Variants in HSPA12B observed in about 807,000 individuals in gnomAD.
The protein encoded by HSPA12B is heat shock protein family A (Hsp70) member 12B, also known as heat shock 70 kDa protein 12B.
A neutral mutation model predicts 69.3 loss-of-function variants in HSPA12B; 54 were observed. That is an observed-to-expected ratio of 0.78 (90% CI 0.63 to 0.98). The LOEUF is 0.98. Among genes scored for constraint, HSPA12B ranks in the 50% least tolerant of loss-of-function variants. The probability of loss-of-function intolerance (pLI) is 0.00; values close to 1 mark genes in which losing one functional copy is unlikely to be tolerated. For synonymous variants in HSPA12B, 441 were observed against 436.5 expected, an observed-to-expected ratio of 1.01 and a Z score of -0.13; for missense variants, 929 against 999.8, an observed-to-expected ratio of 0.93 and a Z score of 0.96.
In HSPA12B at chr20:3,749,953, C is replaced by G. The variant is rs927096811; in HGVS notation, c.1043-16C>G. 8 of 1,552,766 alleles carry G rather than the reference C, an allele frequency of 5.2e-6. No individual in the cohort carries two copies. The highest frequency in any genetic ancestry group is 7.0e-6 in the Non-Finnish European group (8 of 1,146,388). ...GGCGAGCGCTGACGCCCTCTTCGCC[C>G]CCTGCTCCACCCCAGGGGGCCCTTA... On this transcript the variant is annotated splice_polypyrimidine_tract_variant and intron_variant, in intron 10 of 12. Coordinates refer to ENST00000254963, the MANE Select transcript of HSPA12B (RefSeq NM_052970.5). This position sits in a 1 kb window ranked among gnomAD's most constrained non-coding sequence, Gnocchi z 5.5.
intron 7 of HSPA12B, among the ~76,000 whole-genome samples, chr20:3,746,290 A>G (rs921449586): frequency 1.4e-5 from 2 of 139,296 alleles, no homozygotes; most frequent in Non-Finnish European, 3.1e-5. Flanking sequence ...GCAGAGCCCA[A>G]GATGGAGAGT....
rs2088450794 is a variant in HSPA12B at position 3,752,716 on chromosome 20, C to A, written c.*550C>A. 1 of 152,658 alleles carries A rather than the reference C, an allele frequency of 6.6e-6. No individual in the cohort carries two copies. The highest frequency in any genetic ancestry group is 1.5e-5 in the Non-Finnish European group (1 of 68,678). 9.5% of individuals were successfully genotyped at this position (152,658 alleles called of 1,614,324 possible). ...CACAGTCCTGGTGTGGTGCTGACCA[C>A]CCAAATATGACTGTGAATTGTGGAA... On this transcript the variant is annotated 3_prime_UTR_variant, in exon 13 of 13. Transcript: ENST00000254963.
chr20:3,741,063 C>A, intron 3 of HSPA12B, 151 bp downstream of exon 3: 2 of 626,354 alleles, frequency 3.2e-6, no homozygotes, highest in Non-Finnish European at 5.5e-6. Context: ...AGTCATGTGC[C>A]CCCCAGAAGG....
chr20:3,750,335 C>A, intron 11 of HSPA12B, 108 bp downstream of exon 11: 1 of 1,184,452 alleles, frequency 8.4e-7, no homozygotes, highest in Non-Finnish European at 1.1e-6. Flanking sequence ...TGATTCATCC[C>A]ACATATACAC....
At position 3,740,971 on chromosome 20, in the gene HSPA12B, C is replaced by G. The variant is rs189449482; in HGVS notation, c.141+59C>G. 7 of 1,433,322 alleles carry G rather than the reference C, an allele frequency of 4.9e-6. No individual in the cohort carries two copies. Among genetic ancestry groups the G allele is most frequent in the Middle Eastern group, 3.6e-4 (2 of 5,564 alleles). 88.8% of individuals were successfully genotyped at this position (1,433,322 alleles called of 1,614,324 possible). A position where few individuals can be genotyped will look rare whatever the true frequency, so the allele number is the denominator to read the frequency against. On this transcript the variant is annotated intron_variant, in intron 3 of 12. Coordinates refer to ENST00000254963, the MANE Select transcript of HSPA12B (RefSeq NM_052970.5). This position sits in a 1 kb window ranked among gnomAD's most constrained non-coding sequence, Gnocchi z 4.9. ...CCTGGCTGGTGTGGACAGGGTCGTG[C>G]GTGGCAAAGTCATGACAGGGCCTCA... is the stretch of plus-strand genomic sequence containing the variant.
In HSPA12B at chr20:3,752,063, T is replaced by C. The variant is rs1730036330; in HGVS notation, c.1958T>C (p.Ile653Thr). The C allele has an allele frequency of 6.5e-7, 1 of 1,549,314 alleles. No homozygotes were observed. Among genetic ancestry groups the C allele is most frequent in the Non-Finnish European group, 8.7e-7 (1 of 1,154,928 alleles). The change falls in exon 13 of 13, where the codon ATC becomes ACC. Residue 653 changes from isoleucine (I) to threonine (T), a missense_variant. This residue lies in a region of HSPA12B where 448 missense variants were observed against 448.1 expected (regional missense o/e 1.00). Transcript: ENST00000254963. ...GGCGCGCCTCCCGGCCGCCGCGAGA[T>C]CCGCGCCGCCATGCAGTTTGGCGAC... ...TAGAPPGRRE[I>T]RAAMQFGDTE...
chr20:3,749,778 C>T lies in HSPA12B; in HGVS notation c.966C>T (p.Gly322=), dbSNP rs1389198651. ...ACCGCTACGTGGTGGCCGACTGCGG[C>T]GGAGGCACCGTGGACCTGACGGTGC... ...AGDRYVVADC[G]GGTVDLTVHQ... Residue 322 remains glycine (G), a synonymous_variant, in exon 10 of 13, where the codon GGC becomes GGT. Coordinates refer to ENST00000254963, the MANE Select transcript of HSPA12B (RefSeq NM_052970.5). This position sits in a 1 kb window ranked among gnomAD's most constrained non-coding sequence, Gnocchi z 5.5. 7 of 1,604,150 alleles carry T rather than the reference C, an allele frequency of 4.4e-6. No individual in the cohort carries two copies. Among genetic ancestry groups the T allele is most frequent in the East Asian group, 2.2e-5 (1 of 44,566 alleles).
rs371721257 is a variant in HSPA12B, at chr20:3,751,258, T to C, written c.1406-253T>C. The C allele has an allele frequency of 4.1e-6, 4 of 985,470 alleles. No homozygotes were observed. The East Asian group carries it at 4.5e-4, about 112-fold the overall frequency. 61.0% of individuals were successfully genotyped at this position (985,470 alleles called of 1,614,324 possible). On this transcript the variant is annotated intron_variant, in intron 12 of 12. Coordinates refer to ENST00000254963, the MANE Select transcript of HSPA12B (RefSeq NM_052970.5). Reference sequence around the variant, plus strand: ...AGGTGTTTAATACGTGTAAAATGCATATCCTTATCTCTCGTCCTCCACGTC... The same window carrying C: ...AGGTGTTTAATACGTGTAAAATGCACATCCTTATCTCTCGTCCTCCACGTC...
chr20:3,743,770 G>A (rs527650038), intron 4 of HSPA12B, among the ~76,000 whole-genome samples: 4 of 152,000 alleles, frequency 2.6e-5, no homozygotes, highest in Non-Finnish European at 5.9e-5. Flanking sequence ...AAGTGCAGCA[G>A]TAATATCCTT....
At position 3,749,737 on chromosome 20, in the gene HSPA12B, C is replaced by T. The variant is rs758739183; in HGVS notation, c.938-13C>T. ...GGCCGCCCACGAGTGTGTGCCCGCG[C>T]TCGCCGCCGCAGGAGACCGCTACGT... On this transcript the variant is annotated splice_polypyrimidine_tract_variant and intron_variant, in intron 9 of 12. Coordinates refer to ENST00000254963, the MANE Select transcript of HSPA12B (RefSeq NM_052970.5). The surrounding 1 kb of genome is among the most constrained non-coding windows in gnomAD (Gnocchi z 5.5). The T allele has an allele frequency of 6.4e-7, 1 of 1,563,554 alleles. No homozygotes were observed. Among genetic ancestry groups the T allele is most frequent in the Non-Finnish European group, 8.6e-7 (1 of 1,158,290 alleles).
rs2088289204 is a variant in HSPA12B at position 3,745,742 on chromosome 20, CT to C, written c.558+150del. On this transcript the variant is annotated intron_variant, in intron 6 of 12. Coordinates refer to ENST00000254963, the MANE Select transcript of HSPA12B (RefSeq NM_052970.5). The surrounding 1 kb of genome is among the most constrained non-coding windows in gnomAD (Gnocchi z 5.6). ...GTCATCTTCTCCAGTACCCTCCTCCCTTTTTGTCTGGTAGAGCCTGCACCAA... is the reference window on the plus strand; with the variant it reads ...GTCATCTTCTCCAGTACCCTCCTCCCTTTTGTCTGGTAGAGCCTGCACCAA... The C allele has an allele frequency of 3.2e-6, 3 of 928,506 alleles. No homozygotes were observed. The highest frequency in any genetic ancestry group is 3.2e-5 in the African/African-American group (2 of 61,836). 57.5% of individuals were successfully genotyped at this position (928,506 alleles called of 1,614,324 possible).
rs1338363132 is a variant in HSPA12B, at chr20:3,744,212, C to A, written c.267-690C>A. ...ACATAGACAGACAGGTAACTGCTCC[C>A]AAAATACATGGGACTTGAGCTTCAT... On this transcript the variant is annotated intron_variant, in intron 4 of 12. Coordinates refer to ENST00000254963, the MANE Select transcript of HSPA12B (RefSeq NM_052970.5). This position sits in a 1 kb window ranked among gnomAD's most constrained non-coding sequence, Gnocchi z 4.9. Among the ~76,000 whole-genome samples the A allele has an allele frequency of 6.6e-6, 1 of 152,178 alleles. No individual in the cohort carries two copies. The highest frequency in any genetic ancestry group is 1.9e-4 in the East Asian group (1 of 5,192).
rs1023950526 is a variant in HSPA12B at position 3,752,729 on chromosome 20, G to C, written c.*563G>C. ...TGGTGCTGACCACCCAAATATGACTGTGAATTGTGGAAAGGGCAGTAGATC... is the reference window on the plus strand; with the variant it reads ...TGGTGCTGACCACCCAAATATGACTCTGAATTGTGGAAAGGGCAGTAGATC... On this transcript the variant is annotated 3_prime_UTR_variant, in exon 13 of 13. Transcript: ENST00000254963. 6 of 133,328 alleles carry C rather than the reference G, an allele frequency of 4.5e-5. No homozygotes were observed. Among genetic ancestry groups the C allele is most frequent in the African/African-American group, 2.3e-4 (6 of 26,500 alleles). The allele number at this position is 133,328 out of a possible 1,614,324, so 8.3% of individuals were successfully genotyped here.
In HSPA12B at chr20:3,745,510, C is replaced by T. The variant is rs141088388; in HGVS notation, c.471C>T (p.Thr157=). 1 of 1,614,082 alleles carries T rather than the reference C, an allele frequency of 6.2e-7. No homozygotes were observed. Among genetic ancestry groups the T allele is most frequent in the Admixed American group, 1.7e-5 (1 of 60,018 alleles). The change falls in exon 6 of 13, where the codon ACC becomes ACT. Residue 157 remains threonine, a synonymous_variant. Coordinates refer to ENST00000254963, the MANE Select transcript of HSPA12B (RefSeq NM_052970.5). The surrounding 1 kb of genome is among the most constrained non-coding windows in gnomAD (Gnocchi z 5.6). ...CCTGCCAGGATCTCACCTTGAAGAC[C>T]CAGCTAGAGGCAGTAAATGGAAAGA... ...IHSATDLTLK[T]QLEAVNGKTM... is the part of the protein sequence containing the mutation.
chr20:3,735,658 G>T (rs557399361), intron 1 of HSPA12B, among the ~76,000 whole-genome samples: 4 of 152,132 alleles, frequency 2.6e-5, no homozygotes, highest in African/African-American at 9.6e-5. Flanking sequence ...TAGAGACAAG[G>T]TTTCACCATG....
At chr20:3,743,396 G>A (rs529820977) in intron 4 of HSPA12B, among the ~76,000 whole-genome samples, 17 of 151,710 alleles carry the variant, frequency 1.1e-4, no homozygotes, top group African/African-American at 4.1e-4. Context: ...GGGTCTCACT[G>A]TGTTGCCAGG....
intron 1 of HSPA12B, among the ~76,000 whole-genome samples, chr20:3,738,044 C>G (rs771065883): frequency 6.6e-6 from 1 of 152,164 alleles, no homozygotes; most frequent in Admixed American, 6.5e-5. Flanking sequence ...CCCACCCCAC[C>G]CTGCCACCTC....
chr20:3,751,529 C>A lies in HSPA12B; in HGVS notation c.1424C>A (p.Pro475Gln). 6.9e-7 allele frequency: 1 copy of A among 1,450,132 alleles called. No individual in the cohort carries two copies. Among genetic ancestry groups the A allele is most frequent in the Non-Finnish European group, 9.1e-7 (1 of 1,102,282 alleles). The allele number at this position is 1,450,132 out of a possible 1,614,324, so 89.8% of individuals were successfully genotyped here. A position where few individuals can be genotyped will look rare whatever the true frequency, so the allele number is the denominator to read the frequency against. ...CCCGCAGAGGCCCTGCTGGCACGGCCGGAGGTGCAGGGTGTGAAGCTGCTG... is the reference window on the plus strand; with the variant it reads ...CCCGCAGAGGCCCTGCTGGCACGGCAGGAGGTGCAGGGTGTGAAGCTGCTG... The part of the protein sequence containing the change: ...IQHIEALLAR[P>Q]EVQGVKLLFL... The change falls in exon 13 of 13, where the codon CCG becomes CAG. Residue 475 changes from proline to glutamine, a missense_variant. Physicochemically the swap from Pro to Gln is moderately conservative, Grantham distance 76. Transcript: ENST00000254963.
Position 3,750,355 on chromosome 20 carries a change from A to AGGGCGTCGGGGTG in HSPA12B, c.1301+134_1301+146dup. On this transcript the variant is annotated intron_variant, in intron 11 of 12. Coordinates refer to ENST00000254963, the MANE Select transcript of HSPA12B (RefSeq NM_052970.5). ...CATCCCACATATACACTAAGCCAGC[A>AGGGCGTCGGGGTG]GGGCGTCGGGGTGGGGCGGCGGGGA... 3 of 1,059,728 alleles carry AGGGCGTCGGGGTG rather than the reference A, an allele frequency of 2.8e-6. No individual in the cohort carries two copies. The South Asian group carries it at 5.3e-5, about 19-fold the overall frequency. 65.6% of individuals were successfully genotyped at this position (1,059,728 alleles called of 1,614,324 possible).
Sources: allele counts gnomAD v4.1 joint callset (sites outside exome capture counted in the v4.1 genomes callset), GRCh38; gene constraint gnomAD v4.1.1; regional missense constraint gnomAD v4.1.1; non-coding constraint Gnocchi (gnomAD v3.1); transcripts MANE v1.5; gene names NCBI Gene and HGNC (gene_info 2026-07-23, HGNC 2026-07-21).